Variants in GRM7 observed in about 807,000 individuals in gnomAD.
The protein encoded by GRM7 is metabotropic glutamate receptor 7.
GRM7 carries 35 observed loss-of-function variants against 84.5 expected under a neutral mutation model. That is an observed-to-expected ratio of 0.41 (90% CI 0.32 to 0.55). GRM7 has a LOEUF of 0.55. Ranked by LOEUF, GRM7 falls within the 20% of genes least tolerant of loss-of-function variation. GRM7 has a pLI of 0.19. For synonymous variants in GRM7, 487 were observed against 455.1 expected, an observed-to-expected ratio of 1.07 and a Z score of -0.89; for missense variants, 1,003 against 1,194.6, an observed-to-expected ratio of 0.84 and a Z score of 2.36.
At chr3:6,902,310 G>C (rs1278736709) in intron 1 of GRM7, among the ~76,000 whole-genome samples, 3 of 152,136 alleles carry the variant, frequency 2.0e-5, no homozygotes, top group Non-Finnish European at 4.4e-5. Context: ...CAAATTGCAA[G>C]CTGGAAGATT....
In GRM7 at chr3:7,064,469, T is replaced by C. The variant is rs796156079; in HGVS notation, c.520-81983T>C. Reference sequence around the variant, plus strand: ...TCATGTATGGATATATATACATATATATATATATATACACACATATACATA... The same window carrying C: ...TCATGTATGGATATATATACATATACATATATATATACACACATATACATA... On this transcript the variant is annotated intron_variant, in intron 1 of 9. Transcript: ENST00000357716. Among the ~76,000 whole-genome samples the C allele has an allele frequency of 3.5e-4, 29 of 82,186 alleles. No individual in the cohort carries two copies. The East Asian group carries it at 5.9e-3, about 17-fold the overall frequency. 53.9% of individuals were successfully genotyped at this position (82,186 alleles called of 152,430 possible).
intron 4 of GRM7, among the ~76,000 whole-genome samples, chr3:7,379,637 A>G (rs17654323): frequency 0.019 from 2,926 of 152,230 alleles, 45 homozygotes; most frequent in Non-Finnish European, 0.028. Context: ...AAATTGACAA[A>G]TGTTTTTATA....
At chr3:7,411,878 A>G (rs1045054616) in intron 4 of GRM7, among the ~76,000 whole-genome samples, 25 of 152,046 alleles carry the variant, frequency 1.6e-4, no homozygotes, top group African/African-American at 6.0e-4. Context: ...ATGCTGGCCT[A>G]TTTTTTAAAA....
chr3:7,056,581 G>A (rs1393541849), intron 1 of GRM7, among the ~76,000 whole-genome samples: 1 of 151,992 alleles, frequency 6.6e-6, no homozygotes, highest in Non-Finnish European at 1.5e-5. Context: ...ACACAGTTGT[G>A]CAAGTGAGAA....
intron 7 of GRM7, among the ~76,000 whole-genome samples, chr3:7,566,119 T>G (rs1463735675): frequency 8.1e-5 from 12 of 148,266 alleles, no homozygotes; most frequent in South Asian, 6.5e-4. Context: ...TTTTTTTTTT[T>G]TTTTTTTTTT....
intron 4 of GRM7, among the ~76,000 whole-genome samples, chr3:7,319,060 T>G (rs1418882778): frequency 6.6e-6 from 1 of 152,076 alleles, no homozygotes; most frequent in Admixed American, 6.6e-5. Context: ...GAGTTCAACC[T>G]AGAAATACCA....
intron 8 of GRM7, among the ~76,000 whole-genome samples, chr3:7,671,767 C>T (rs1005847540): frequency 4.6e-5 from 7 of 151,896 alleles, no homozygotes; most frequent in Non-Finnish European, 5.9e-5. Flanking sequence ...CTAATAATGA[C>T]ACTTGCAATT....
intron 2 of GRM7, among the ~76,000 whole-genome samples, chr3:7,236,379 T>C (rs139151830): frequency 8.5e-5 from 13 of 152,314 alleles, no homozygotes; most frequent in African/African-American, 3.1e-4. Context: ...TTTTCTCCTA[T>C]TTTTTAGAAA....
intron 1 of GRM7, among the ~76,000 whole-genome samples, chr3:7,027,607 A>G (rs1696026966): frequency 6.6e-6 from 1 of 152,022 alleles, no homozygotes. Flanking sequence ...CTCCACATGT[A>G]TACTGGAATG....
chr3:7,622,238 C>A (rs562047693), intron 8 of GRM7, among the ~76,000 whole-genome samples: 1 of 152,234 alleles, frequency 6.6e-6, no homozygotes, highest in African/African-American at 2.4e-5. Context: ...TAAGCACCCA[C>A]TCTTTGGTAG....
intron 1 of GRM7, among the ~76,000 whole-genome samples, chr3:6,902,941 A>G (rs1482389473): frequency 1.3e-5 from 2 of 152,046 alleles, no homozygotes; most frequent in East Asian, 3.9e-4. Context: ...TTGGATACAG[A>G]TGGACTATTA....
intron 2 of GRM7, among the ~76,000 whole-genome samples, chr3:7,160,405 A>T (rs1328635438): frequency 6.6e-6 from 1 of 152,298 alleles, no homozygotes; most frequent in East Asian, 1.9e-4. Flanking sequence ...TCTTAACTAG[A>T]TACCCCAGTT....
intron 1 of GRM7, among the ~76,000 whole-genome samples, chr3:6,889,093 C>T (rs1476757290): frequency 6.6e-6 from 1 of 152,174 alleles, no homozygotes; most frequent in East Asian, 1.9e-4. Context: ...TATCCTGAGA[C>T]TTTGCTGAAG....
At chr3:6,914,262 T>G (rs1407022649) in intron 1 of GRM7, among the ~76,000 whole-genome samples, 5 of 152,214 alleles carry the variant, frequency 3.3e-5, no homozygotes, top group South Asian at 2.1e-4. Flanking sequence ...AAAATAAAGT[T>G]GTCAATCTTT....
intron 1 of GRM7, among the ~76,000 whole-genome samples, chr3:6,996,046 T>C (rs1283839404): frequency 6.7e-6 from 1 of 148,504 alleles, no homozygotes; most frequent in East Asian, 2.1e-4. Flanking sequence ...GTGTTTATAA[T>C]TCTACAATAT....
At chr3:7,315,851 A>G (rs77872538) in intron 4 of GRM7, among the ~76,000 whole-genome samples, 22,756 of 152,160 alleles carry the variant, frequency 0.15, 1,909 homozygotes, top group African/African-American at 0.22. Context: ...TTGCTTTTCA[A>G]TATTTCTGTG....
chr3:7,323,601 T>G (rs1700869022), intron 4 of GRM7, among the ~76,000 whole-genome samples: 1 of 152,212 alleles, frequency 6.6e-6, no homozygotes, highest in Non-Finnish European at 1.5e-5. Context: ...ATACTGTTGT[T>G]CCTCTCATGT....
chr3:7,635,614 G>A (rs1175754970), intron 8 of GRM7, among the ~76,000 whole-genome samples: 1 of 152,120 alleles, frequency 6.6e-6, no homozygotes, highest in East Asian at 1.9e-4. Flanking sequence ...CTGATCTGAG[G>A]CCCGCAGTCC....
chr3:7,586,025 T>C (rs1340326728), intron 8 of GRM7, among the ~76,000 whole-genome samples: 1 of 152,230 alleles, frequency 6.6e-6, no homozygotes, highest in African/African-American at 2.4e-5. Context: ...TATACTGCTT[T>C]GAGCCTAATC....
Sources: allele counts gnomAD v4.1 joint callset (sites outside exome capture counted in the v4.1 genomes callset), GRCh38; gene constraint gnomAD v4.1.1; transcripts MANE v1.5; gene names NCBI Gene and HGNC (gene_info 2026-07-23, HGNC 2026-07-21).